KCNAB1: variants seen among roughly 807,000 people sequenced by gnomAD.
KCNAB1 encodes voltage-gated potassium channel subunit beta-1.
In KCNAB1, 35 loss-of-function variants were observed where a neutral mutation model predicts 64.6. That is an observed-to-expected ratio of 0.54 (90% confidence interval 0.41 to 0.72). The LOEUF is 0.72. KCNAB1 is among the 30% of genes least tolerant of loss of function. The pLI is 0.00. For missense variants in KCNAB1, 401 were observed against 512.9 expected, an observed-to-expected ratio of 0.78 and a Z score of 2.11; for synonymous variants, 177 against 183.8, an observed-to-expected ratio of 0.96 and a Z score of 0.30.
rs555286867 is a variant in KCNAB1, at chr3:156,486,107, G to A, written c.658+11287G>A. Among the ~76,000 whole-genome samples the A allele has an allele frequency of 5.0e-4, 76 of 152,070 alleles. 1 individual carries two copies. Among genetic ancestry groups the A allele is most frequent in the Non-Finnish European group, 8.7e-4 (59 of 68,010 alleles). ...TTATAACTAATAAATAACCTAGAATGTGATTATTTGAGACTATGTGAATAG... is the reference window on the plus strand; with the variant it reads ...TTATAACTAATAAATAACCTAGAATATGATTATTTGAGACTATGTGAATAG... On this transcript the variant is annotated intron_variant, in intron 8 of 13. Coordinates refer to ENST00000490337, the MANE Select transcript of KCNAB1 (RefSeq NM_172160.3).
chr3:156,539,131 G>A (rs909607892), downstream of KCNAB1: 5 of 152,082 alleles, frequency 3.3e-5, no homozygotes, highest in African/African-American at 1.2e-4. Flanking sequence ...CATTCCAAAA[G>A]GTAACCTGGG....
intron 8 of KCNAB1, among the ~76,000 whole-genome samples, chr3:156,500,156 A>C (rs918215131): frequency 9.2e-5 from 14 of 152,190 alleles, no homozygotes; most frequent in African/African-American, 3.4e-4. Flanking sequence ...AAATCTCAGA[A>C]GTCTTTCTTG....
At chr3:156,164,988 A>G (rs1373760824) in intron 1 of KCNAB1, among the ~76,000 whole-genome samples, 1 of 152,192 alleles carries the variant, frequency 6.6e-6, no homozygotes, top group Non-Finnish European at 1.5e-5. Flanking sequence ...TCCTAATGAA[A>G]GCAAATAGGC....
At chr3:156,377,208 G>A (rs908748304) in intron 1 of KCNAB1, among the ~76,000 whole-genome samples, 3 of 151,856 alleles carry the variant, frequency 2.0e-5, no homozygotes. Flanking sequence ...CTTCGCATCT[G>A]AAAAAAAATT....
At chr3:156,123,450 AAAGG>A (rs1713467234) in intron 1 of KCNAB1, among the ~76,000 whole-genome samples, 1 of 152,208 alleles carries the variant, frequency 6.6e-6, no homozygotes, top group Non-Finnish European at 1.5e-5. Context: ...TATTTGAAAC[AAAGG>A]GTATTATTAA....
intron 1 of KCNAB1, among the ~76,000 whole-genome samples, chr3:156,277,609 G>A (rs1206575880): frequency 2.0e-5 from 3 of 152,048 alleles, no homozygotes; most frequent in Admixed American, 1.3e-4. Context: ...ATATTCTATT[G>A]TATATATACC....
At chr3:156,185,009 G>A (rs1713097838) in intron 1 of KCNAB1, among the ~76,000 whole-genome samples, 2 of 152,170 alleles carry the variant, frequency 1.3e-5, no homozygotes, top group Admixed American at 1.3e-4. Flanking sequence ...TCTCATAGAG[G>A]AAACAAAAAC....
chr3:156,278,300 C>T (rs1719469996), intron 1 of KCNAB1, among the ~76,000 whole-genome samples: 1 of 152,154 alleles, frequency 6.6e-6, no homozygotes, highest in Non-Finnish European at 1.5e-5. Flanking sequence ...TTTTCTCCAT[C>T]CCATCATGCG....
At chr3:156,342,970 G>A (rs1724244118) in intron 1 of KCNAB1, among the ~76,000 whole-genome samples, 2 of 152,118 alleles carry the variant, frequency 1.3e-5, no homozygotes, top group Admixed American at 1.3e-4. Flanking sequence ...AGTCAATGAA[G>A]TTTACATACA....
At chr3:156,203,553 A>G (rs1447095033) in intron 1 of KCNAB1, among the ~76,000 whole-genome samples, 8 of 152,224 alleles carry the variant, frequency 5.3e-5, no homozygotes, top group Non-Finnish European at 8.8e-5. Context: ...ATAATACTAT[A>G]AAGAATGAAA....
intron 12 of KCNAB1, among the ~76,000 whole-genome samples, chr3:156,530,609 G>A (rs1718635608): frequency 6.6e-6 from 1 of 152,172 alleles, no homozygotes; most frequent in South Asian, 2.1e-4. Context: ...CAGCTACCCT[G>A]AAGTAGAAGC....
At chr3:156,447,380 C>G (rs1374610996) in intron 2 of KCNAB1, among the ~76,000 whole-genome samples, 2 of 151,822 alleles carry the variant, frequency 1.3e-5, no homozygotes, top group African/African-American at 4.8e-5. Flanking sequence ...AAATAATTAC[C>G]AGTTTTGTTC....
At chr3:156,305,771 G>T (rs1374472501) in intron 1 of KCNAB1, among the ~76,000 whole-genome samples, 3 of 152,226 alleles carry the variant, frequency 2.0e-5, no homozygotes, top group African/African-American at 7.2e-5. Flanking sequence ...AAGGATGCTT[G>T]TGACAATTCA....
At chr3:156,430,363 A>T (rs1716122164) in intron 2 of KCNAB1, among the ~76,000 whole-genome samples, 1 of 152,216 alleles carries the variant, frequency 6.6e-6, no homozygotes, top group Non-Finnish European at 1.5e-5. Context: ...CACACACCTC[A>T]TCTCTCTCCA....
At chr3:156,404,925 T>C (rs1323283982) in intron 1 of KCNAB1, among the ~76,000 whole-genome samples, 1 of 152,160 alleles carries the variant, frequency 6.6e-6, no homozygotes, top group Non-Finnish European at 1.5e-5. Flanking sequence ...GAAAGGAAGG[T>C]ATCAGCCGTA....
At chr3:156,185,646 G>C (rs1713139013) in intron 1 of KCNAB1, among the ~76,000 whole-genome samples, 1 of 152,166 alleles carries the variant, frequency 6.6e-6, no homozygotes, top group Non-Finnish European at 1.5e-5. Context: ...GCAGTTAATT[G>C]GGTAGAGAAG....
At chr3:156,329,463 C>T (rs972208674) in intron 1 of KCNAB1, among the ~76,000 whole-genome samples, 4 of 152,004 alleles carry the variant, frequency 2.6e-5, no homozygotes, top group Non-Finnish European at 4.4e-5. Context: ...GAGGGATCCC[C>T]GGGAGAGAAC....
At chr3:156,141,710 T>G (rs527524941) in intron 1 of KCNAB1, among the ~76,000 whole-genome samples, 2 of 152,356 alleles carry the variant, frequency 1.3e-5, no homozygotes, top group South Asian at 4.1e-4. Context: ...CTATTATGAA[T>G]AAAGATGTTA....
At chr3:156,465,202 A>T (rs994754157) in intron 6 of KCNAB1, among the ~76,000 whole-genome samples, 2 of 152,192 alleles carry the variant, frequency 1.3e-5, no homozygotes, top group Non-Finnish European at 1.5e-5. Context: ...TTTATTTTGG[A>T]AGTCAAAAGG....
Sources: allele counts gnomAD v4.1 joint callset (sites outside exome capture counted in the v4.1 genomes callset), GRCh38; gene constraint gnomAD v4.1.1; transcripts MANE v1.5; gene names NCBI Gene and HGNC (gene_info 2026-07-23, HGNC 2026-07-21).